The following PEMT variants were observed in gnomAD, a reference collection of about 807,000 sequenced individuals.
The protein encoded by PEMT is phospholipid methyltransferase.
A neutral mutation model predicts 27.4 loss-of-function variants in PEMT; 23 were observed. The observed-to-expected ratio is 0.84, with a 90% confidence interval of 0.60 to 1.19. The LOEUF is 1.19. Ranked by LOEUF, PEMT falls within the 50% of genes most tolerant of loss-of-function variation. The pLI is 0.00. For synonymous variants in PEMT, 137 were observed against 139.1 expected, an observed-to-expected ratio of 0.98 and a Z score of 0.11; for missense variants, 307 against 310.1, an observed-to-expected ratio of 0.99 and a Z score of 0.07.
chr17:17,539,449 C>T (rs529159634), intron 2 of PEMT, among the ~76,000 whole-genome samples: 92 of 152,314 alleles, frequency 6.0e-4, no homozygotes, highest in African/African-American at 2.0e-3. Context: ...AATGGAATCG[C>T]GCAGGCTGTG....
At chr17:17,553,583 C>A (rs181852365) in intron 2 of PEMT, among the ~76,000 whole-genome samples, 4 of 152,344 alleles carry the variant, frequency 2.6e-5, no homozygotes, top group Admixed American at 2.6e-4. Context: ...CAGTGGCTCA[C>A]AAGCCCACGA....
chr17:17,535,463 G>A (rs1022737549), intron 2 of PEMT, among the ~76,000 whole-genome samples: 9 of 152,048 alleles, frequency 5.9e-5, no homozygotes, highest in African/African-American at 2.2e-4. Flanking sequence ...CTACTCAGGA[G>A]GCTGAGGCAG....
In PEMT at chr17:17,522,290, G is replaced by A. The variant is rs1298683037; in HGVS notation, c.310C>T (p.Arg104Cys). 15 of 1,611,054 alleles carry A rather than the reference G, an allele frequency of 9.3e-6. No homozygotes were observed. Among genetic ancestry groups the A allele is most frequent in the Middle Eastern group, 1.7e-4 (1 of 6,058 alleles). The change falls in exon 3 of 7, where the codon CGC (arginine) becomes TGC (cysteine). Residue 104 changes from arginine (R) to cysteine (C), a missense_variant. Coordinates refer to ENST00000255389, the MANE Select transcript of PEMT (RefSeq NM_148172.3). ...SVTILLLNFL[R>C]SHCFTQAMLS... Reference sequence around the variant, plus strand: ...GAGAGCTGTGCTTACCAGTGCGAGCGCAGGAAGTTCAGGAGCAGGATGGTG... The same window carrying A: ...GAGAGCTGTGCTTACCAGTGCGAGCACAGGAAGTTCAGGAGCAGGATGGTG...
chr17:17,506,423 G>A, intron 5 of PEMT, 122 bp from the exon 6 acceptor site: 1 of 656,950 alleles, frequency 1.5e-6, no homozygotes, highest in Non-Finnish European at 2.6e-6. Flanking sequence ...TGGGCCACTT[G>A]GGCCGACCGA....
chr17:17,524,639 A>C (rs1190755615), intron 2 of PEMT, among the ~76,000 whole-genome samples: 2 of 151,822 alleles, frequency 1.3e-5, no homozygotes. Context: ...TAAGTTAGCC[A>C]GAAGATTGCC....
intron 2 of PEMT, among the ~76,000 whole-genome samples, chr17:17,538,541 C>T (rs1243792100): frequency 6.7e-6 from 1 of 149,698 alleles, no homozygotes; most frequent in Non-Finnish European, 1.5e-5. Context: ...GGTGGCAGAA[C>T]AAGACTCTGT....
At chr17:17,590,913 C>T (rs1234247535) in intron 1 of PEMT, among the ~76,000 whole-genome samples, 1 of 152,202 alleles carries the variant, frequency 6.6e-6, no homozygotes, top group Non-Finnish European at 1.5e-5. Flanking sequence ...AGCCAGGCCC[C>T]CAGCTTCTGG....
At chr17:17,526,342 C>T (rs552506905) in intron 2 of PEMT, among the ~76,000 whole-genome samples, 82 of 152,318 alleles carry the variant, frequency 5.4e-4, no homozygotes, top group African/African-American at 1.9e-3. Flanking sequence ...CCTTGACATT[C>T]GCCAAAAGCC....
In PEMT at chr17:17,577,900, C is replaced by T. The variant is rs552133307; in HGVS notation, c.97-873G>A. ...GGCATGGTGGCGGGCGCCTGTAGTC[C>T]CAGCTACTCAGGAGACTGAGGCAGG... is the stretch of plus-strand genomic sequence containing the variant. On this transcript the variant is annotated intron_variant, in intron 1 of 6. Transcript: ENST00000255389. Among the ~76,000 whole-genome samples the T allele has an allele frequency of 2.6e-5, 4 of 151,668 alleles. No homozygotes were observed. The East Asian group carries it at 7.9e-4, about 30-fold the overall frequency.
At chr17:17,567,446 G>A (rs760207029) in intron 2 of PEMT, among the ~76,000 whole-genome samples, 2 of 152,264 alleles carry the variant, frequency 1.3e-5, no homozygotes, top group African/African-American at 2.4e-5. Context: ...GAGGCAGGCA[G>A]TGCCCCAGGG....
At chr17:17,530,547 T>C (rs1908019850) in intron 2 of PEMT, among the ~76,000 whole-genome samples, 1 of 151,966 alleles carries the variant, frequency 6.6e-6, no homozygotes, top group African/African-American at 2.4e-5. Flanking sequence ...ACTCAATCAA[T>C]AAACCTGGTA....
chr17:17,577,793 G>A (rs912996729), intron 1 of PEMT, among the ~76,000 whole-genome samples: 3 of 151,990 alleles, frequency 2.0e-5, no homozygotes, highest in Non-Finnish European at 2.9e-5. Flanking sequence ...CGAGGCGGGC[G>A]GATCACGAGG....
At chr17:17,589,112 C>T (rs780235108) in intron 1 of PEMT, among the ~76,000 whole-genome samples, 1 of 152,180 alleles carries the variant, frequency 6.6e-6, no homozygotes, top group African/African-American at 2.4e-5. Flanking sequence ...AGGCATGTGC[C>T]GCCACGCCTG....
At chr17:17,587,559 A>G (rs544384156) in intron 1 of PEMT, among the ~76,000 whole-genome samples, 1 of 152,262 alleles carries the variant, frequency 6.6e-6, no homozygotes, top group Non-Finnish European at 1.5e-5. Flanking sequence ...AACTCACTGT[A>G]TTACCCTAAC....
At chr17:17,515,615 T>C (rs1322851468) in intron 3 of PEMT, among the ~76,000 whole-genome samples, 1 of 152,186 alleles carries the variant, frequency 6.6e-6, no homozygotes, top group Non-Finnish European at 1.5e-5. Flanking sequence ...ACTCTGATTC[T>C]AGATTCCAGG....
chr17:17,561,718 T>G lies in PEMT; in HGVS notation c.204+15202A>C, dbSNP rs557147201. ...TCAAAGGCAGGACAGACCTGTGTGC[T>G]GAGAGGCCCAGAGATATGAGGGGGG... On this transcript the variant is annotated intron_variant, in intron 2 of 6. Transcript: ENST00000255389. The surrounding 1 kb of genome is among the most constrained non-coding windows in gnomAD (Gnocchi z 4.5). 3.3e-5 allele frequency among the ~76,000 whole-genome samples: 5 copies of G among 152,246 alleles called. No homozygotes were observed. The highest frequency in any genetic ancestry group is 7.4e-5 in the Non-Finnish European group (5 of 67,996).
intron 2 of PEMT, among the ~76,000 whole-genome samples, chr17:17,527,918 G>A (rs1335794396): frequency 2.6e-5 from 4 of 152,160 alleles, no homozygotes; most frequent in Admixed American, 6.5e-5. Flanking sequence ...GGCTAAATCT[G>A]CCTAATACCC....
chr17:17,522,815 G>A (rs1233554733), intron 2 of PEMT, among the ~76,000 whole-genome samples: 2 of 152,168 alleles, frequency 1.3e-5, no homozygotes, highest in Non-Finnish European at 2.9e-5. Flanking sequence ...GGAGCCCATG[G>A]CTGCAGGAGC....
At position 17,561,588 on chromosome 17, in the gene PEMT, C is replaced by T. The variant is rs1275346422; in HGVS notation, c.204+15332G>A. ...CTCCAGGCACCACCCACTCCAGGCA[C>T]CATCCCGGCCCTTGCAACAGTGAGC... is the stretch of plus-strand genomic sequence containing the variant. On this transcript the variant is annotated intron_variant, in intron 2 of 6. Coordinates refer to ENST00000255389, the MANE Select transcript of PEMT (RefSeq NM_148172.3). This position sits in a 1 kb window ranked among gnomAD's most constrained non-coding sequence, Gnocchi z 4.5. 2.0e-5 allele frequency among the ~76,000 whole-genome samples: 3 copies of T among 152,214 alleles called. No individual in the cohort carries two copies. The highest frequency in any genetic ancestry group is 4.4e-5 in the Non-Finnish European group (3 of 68,038).
Sources: gnomAD v4.1 joint callset for allele counts (sites outside exome capture counted in the v4.1 genomes callset) on GRCh38, gnomAD v4.1.1 for gene constraint, Gnocchi (gnomAD v3.1) non-coding constraint, MANE v1.5 for transcripts, NCBI Gene and HGNC (gene_info 2026-07-23, HGNC 2026-07-21) for gene names.